Variants in PLEKHG7 observed in about 807,000 individuals in gnomAD.
PLEKHG7 encodes pleckstrin homology domain-containing family G member 7.
Under a neutral mutation model 85.2 loss-of-function variants are expected in PLEKHG7, and 77 were observed. The observed-to-expected ratio is 0.90, with a 90% CI of 0.75 to 1.09. PLEKHG7 has a LOEUF of 1.09. PLEKHG7 is among the 50% of genes least tolerant of loss of function. PLEKHG7 has a pLI of 0.00. For synonymous variants in PLEKHG7, 301 were observed against 302.4 expected, an observed-to-expected ratio of 1.00 and a Z score of 0.05; for missense variants, 777 against 804.3, an observed-to-expected ratio of 0.97 and a Z score of 0.41.
At chr12:92,763,925 C>A in intron 14 of PLEKHG7, 116 bp from the exon 15 acceptor site, 1 of 795,488 alleles carries the variant, frequency 1.3e-6, no homozygotes, top group Non-Finnish European at 1.9e-6. Context: ...AGATTTTAGG[C>A]AATAATAGTT....
At chr12:92,753,970 A>G in intron 10 of PLEKHG7, 120 bp from the exon 11 acceptor site, 1 of 952,668 alleles carries the variant, frequency 1.0e-6, no homozygotes, top group East Asian at 2.4e-5. Flanking sequence ...GTCCCAGCAA[A>G]CTCACAAGTA....
chr12:92,768,844 T>C (rs1873302632), intron 15 of PLEKHG7, 139 bp from the exon 16 acceptor site: 1 of 547,666 alleles, frequency 1.8e-6, no homozygotes, highest in Non-Finnish European at 3.1e-6. Context: ...AAAAAAATTA[T>C]AAGCTAGATA....
rs867437229 is a variant in PLEKHG7 at position 92,733,366 on chromosome 12, G to A, written c.699+1093G>A. On this transcript the variant is annotated intron_variant, in intron 5 of 16. Coordinates refer to ENST00000344636, the MANE Select transcript of PLEKHG7 (RefSeq NM_001377329.1). ...ACTAGTAGTAGTATCTTTAATTAGGGTTTGGAAAACAACTTATTCTCATAG... is the reference window on the plus strand; with the variant it reads ...ACTAGTAGTAGTATCTTTAATTAGGATTTGGAAAACAACTTATTCTCATAG... Among the ~76,000 whole-genome samples the A allele has an allele frequency of 2.3e-4, 35 of 152,248 alleles. 1 individual carries two copies. Among genetic ancestry groups the A allele is most frequent in the Middle Eastern group, 3.4e-3 (1 of 294 alleles).
At chr12:92,739,967 C>T (rs1239256958) in intron 7 of PLEKHG7, among the ~76,000 whole-genome samples, 1 of 152,138 alleles carries the variant, frequency 6.6e-6, no homozygotes, top group African/African-American at 2.4e-5. Context: ...AATGCATGTT[C>T]TCAGACCCCG....
intron 13 of PLEKHG7, 125 bp from the exon 14 acceptor site, chr12:92,761,627 A>AAAGAAAGAAAGAAAGAAAG (rs1873009315): frequency 1.5e-4 from 12 of 79,354 alleles, no homozygotes; most frequent in Non-Finnish European, 2.1e-4. Flanking sequence ...AAGAAAGAAG[A>AAAGAAAGAAAGAAAGAAAG]AAGAAAGAAA....
At chr12:92,723,910 A>C (rs1871718960) in intron 3 of PLEKHG7, among the ~76,000 whole-genome samples, 1 of 152,192 alleles carries the variant, frequency 6.6e-6, no homozygotes. Context: ...TACCAAACTT[A>C]ATGATACTAG....
At position 92,769,069 on chromosome 12, in the gene PLEKHG7, GA is replaced by G. The variant is rs913715991; in HGVS notation, c.1961del (p.Asn654ThrfsTer10). 6.3e-7 allele frequency: 1 copy of G among 1,579,182 alleles called. No individual in the cohort carries two copies. The highest frequency in any genetic ancestry group is 1.3e-5 in the African/African-American group (1 of 74,130). ...IAAFLLQAQT[E>X]NIKKTWMAQI... ...AGCATTCTTATTACAAGCCCAAACG[GA>G]AAACATCAAAGTATGTATTTTAATT... On this transcript the variant is annotated frameshift_variant, in exon 16 of 17. Transcript: ENST00000344636. LOFTEE classifies it high-confidence loss of function.
intron 12 of PLEKHG7, 101 bp downstream of exon 12, chr12:92,756,041 G>A: frequency 1.2e-6 from 1 of 837,282 alleles, no homozygotes; most frequent in East Asian, 2.6e-5. Flanking sequence ...TCCACTTGAA[G>A]AATAAATCTA....
intron 9 of PLEKHG7, among the ~76,000 whole-genome samples, chr12:92,742,308 T>G (rs1872382263): frequency 6.6e-6 from 1 of 152,084 alleles, no homozygotes; most frequent in African/African-American, 2.4e-5. Context: ...GGGGAGAAAT[T>G]AATCCAATAA....
At chr12:92,760,875 AC>A (rs1277234479) in intron 13 of PLEKHG7, among the ~76,000 whole-genome samples, 2 of 152,262 alleles carry the variant, frequency 1.3e-5, no homozygotes, top group African/African-American at 4.8e-5. Context: ...AGTTTTAATG[AC>A]TGTCAACCTA....
chr12:92,764,232 C>T (rs1873121928), intron 15 of PLEKHG7, 38 bp downstream of exon 15: 1 of 1,546,578 alleles, frequency 6.5e-7, no homozygotes, highest in African/African-American at 1.4e-5. Context: ...CATCTGTTTG[C>T]CATCACAGAG....
intron 11 of PLEKHG7, among the ~76,000 whole-genome samples, chr12:92,754,998 T>G (rs186267281): frequency 6.6e-6 from 1 of 152,336 alleles, no homozygotes; most frequent in African/African-American, 2.4e-5. Context: ...TGTTTTTAAA[T>G]TTTTTATTCA....
chr12:92,748,192 C>T (rs1872588697), intron 10 of PLEKHG7, among the ~76,000 whole-genome samples: 1 of 151,278 alleles, frequency 6.6e-6, no homozygotes, highest in Non-Finnish European at 1.5e-5. Flanking sequence ...ATGTGTGTGA[C>T]ATCCAGGGAT....
In PLEKHG7 at chr12:92,718,196, G is replaced by T. The variant is rs529323730; in HGVS notation, c.530+10524G>T. 2.6e-5 allele frequency among the ~76,000 whole-genome samples: 4 copies of T among 152,316 alleles called. No individual in the cohort carries two copies. The South Asian group carries it at 8.3e-4, about 32-fold the overall frequency. On this transcript the variant is annotated intron_variant, in intron 3 of 16. Coordinates refer to ENST00000344636, the MANE Select transcript of PLEKHG7 (RefSeq NM_001377329.1). ...CGGGGCTTTAAGGCTTGTTGGACAG[G>T]ATTCAGAGACTACTAGGCAGTGTAC...
chr12:92,748,106 C>A (rs1332506024), intron 10 of PLEKHG7, among the ~76,000 whole-genome samples: 1 of 152,194 alleles, frequency 6.6e-6, no homozygotes, highest in Non-Finnish European at 1.5e-5. Context: ...ACCCTGATTT[C>A]ATCATTACAC....
At chr12:92,749,237 T>A (rs564027776) in intron 10 of PLEKHG7, among the ~76,000 whole-genome samples, 2 of 152,312 alleles carry the variant, frequency 1.3e-5, no homozygotes, top group Admixed American at 1.3e-4. Context: ...CTGGTGTACA[T>A]TAATGGGATT....
chr12:92,762,498 G>T (rs928536968), intron 14 of PLEKHG7, among the ~76,000 whole-genome samples: 1 of 152,136 alleles, frequency 6.6e-6, no homozygotes, highest in African/African-American at 2.4e-5. Context: ...AGTATTATTT[G>T]TTACTGTTAT....
Position 92,756,299 on chromosome 12 carries a change from GT to G in PLEKHG7, c.1547del (p.Leu516Ter), listed in dbSNP as rs1872828396. The G allele has an allele frequency of 1.2e-6, 2 of 1,603,896 alleles. No homozygotes were observed. The highest frequency in any genetic ancestry group is 1.7e-6 in the Non-Finnish European group (2 of 1,171,152). ...DRDKRFFIPE[C>X]LKHIFKEHMA... ...TTATTTTCTCGCTTGTTTTACAAGT[GT>G]TTGAAACACATTTTTAAAGAACACA... On this transcript the variant is annotated frameshift_variant and splice_region_variant, in exon 13 of 17. Coordinates refer to ENST00000344636, the MANE Select transcript of PLEKHG7 (RefSeq NM_001377329.1). LOFTEE classifies it high-confidence loss of function.
chr12:92,720,323 C>CTTTT (rs36081838), intron 3 of PLEKHG7, among the ~76,000 whole-genome samples: 1 of 146,918 alleles, frequency 6.8e-6, no homozygotes, highest in Admixed American at 6.7e-5. Context: ...CTCTTAGTGT[C>CTTTT]TTTTTTTTTT....
Sources: gnomAD v4.1 joint callset for allele counts (sites outside exome capture counted in the v4.1 genomes callset) on GRCh38, gnomAD v4.1.1 for gene constraint, MANE v1.5 for transcripts, NCBI Gene and HGNC (gene_info 2026-07-23, HGNC 2026-07-21) for gene names.